PIK3R4: variants seen among roughly 807,000 people sequenced by gnomAD.
The protein encoded by PIK3R4 is phosphoinositide 3-kinase regulatory subunit 4.
A neutral mutation model predicts 136.5 loss-of-function variants in PIK3R4; 46 were observed. The observed-to-expected ratio is 0.34, with a 90% CI of 0.27 to 0.43. The LOEUF is 0.43. Among genes scored for constraint, PIK3R4 ranks in the 20% least tolerant of loss-of-function variants. PIK3R4 has a pLI of 1.00. For synonymous variants in PIK3R4, 557 were observed against 566.7 expected (o/e 0.98, Z 0.24); for missense variants, 1,331 against 1,649.5 (o/e 0.81, Z 3.35).
chr3:130,692,835 T>A (rs1208929987), intron 13 of PIK3R4, among the ~76,000 whole-genome samples: 1 of 152,186 alleles, frequency 6.6e-6, no homozygotes, highest in Non-Finnish European at 1.5e-5. Flanking sequence ...TCTCCCCATC[T>A]CTTTTAATAT....
intron 6 of PIK3R4, among the ~76,000 whole-genome samples, chr3:130,727,224 CT>C (rs776308786): frequency 3.0e-3 from 426 of 144,052 alleles, no homozygotes; most frequent in Middle Eastern, 3.6e-3. Context: ...AACTTAAAGT[CT>C]TTTTTTTTTT....
intron 10 of PIK3R4, among the ~76,000 whole-genome samples, 173 bp downstream of exon 10, chr3:130,708,118 C>T (rs182832751): frequency 2.2e-4 from 34 of 152,226 alleles, no homozygotes; most frequent in African/African-American, 7.5e-4. Context: ...ACTGTTAGTT[C>T]GCTTCCCTAT....
chr3:130,744,436 G>A (rs2066841709), intron 2 of PIK3R4, 50 bp downstream of exon 2: 1 of 1,529,104 alleles, frequency 6.5e-7, no homozygotes, highest in Non-Finnish European at 8.7e-7. Context: ...CTGTTTAACA[G>A]TTAAAAGAAA....
chr3:130,705,802 C>T lies in PIK3R4; in HGVS notation c.2722-31G>A, dbSNP rs776946894. ...AAACAAATAGAATTCTAACTATTTA[C>T]GTCGTAAGCAAAGTATATTTGAAGA... On this transcript the variant is annotated intron_variant, in intron 11 of 19. Coordinates refer to ENST00000356763, the MANE Select transcript of PIK3R4 (RefSeq NM_014602.3). 79 of 1,325,014 alleles carry T rather than the reference C, an allele frequency of 6.0e-5. No individual in the cohort carries two copies. The East Asian group carries it at 8.1e-4, about 14-fold the overall frequency. The allele number at this position is 1,325,014 out of a possible 1,614,324, so 82.1% of individuals were successfully genotyped here.
At chr3:130,684,497 G>GTTAC (rs2066477933) in intron 15 of PIK3R4, 116 bp from the exon 16 acceptor site, 2 of 932,400 alleles carry the variant, frequency 2.1e-6, no homozygotes, top group African/African-American at 1.7e-5. Flanking sequence ...AAATGCCTTC[G>GTTAC]TTACTTAAAA....
At chr3:130,736,071 TCAGA>T (rs1281095283) in intron 2 of PIK3R4, 69 bp from the exon 3 acceptor site, 11 of 1,276,562 alleles carry the variant, frequency 8.6e-6, no homozygotes, top group East Asian at 4.9e-5. Flanking sequence ...GATTGAGAAC[TCAGA>T]CAGTTCATAA....
Position 130,744,687 on chromosome 3 carries a change from C to G in PIK3R4, c.532G>C (p.Asp178His). The change falls in exon 2 of 20, where the codon GAC becomes CAC. Residue 178 changes from aspartate to histidine, a missense_variant. This residue lies in a region of PIK3R4 where 151 missense variants were observed against 242.5 expected (regional missense o/e 0.62). Coordinates refer to ENST00000356763, the MANE Select transcript of PIK3R4 (RefSeq NM_014602.3). Reference sequence around the variant, plus strand: ...AAATAATTGAAATCTGCCGGGTTGTCTTCTGGAAGATAAGTGGGCTTAAAA... The same window carrying G: ...AAATAATTGAAATCTGCCGGGTTGTGTTCTGGAAGATAAGTGGGCTTAAAA... Reference protein sequence around the residue: ...ASFKPTYLPEDNPADFNYFFD... With the variant: ...ASFKPTYLPEHNPADFNYFFD... 1 of 1,614,216 alleles carries G rather than the reference C, an allele frequency of 6.2e-7. No homozygotes were observed. The highest frequency in any genetic ancestry group is 1.1e-5 in the South Asian group (1 of 91,088).
At chr3:130,720,019 C>A (rs2066689935) in intron 7 of PIK3R4, among the ~76,000 whole-genome samples, 1 of 152,114 alleles carries the variant, frequency 6.6e-6, no homozygotes, top group Admixed American at 6.5e-5. Flanking sequence ...GCCACCTATA[C>A]AACCCACAGG....
In PIK3R4 at chr3:130,733,585, G is replaced by A. The variant is rs200049501; in HGVS notation, c.1413C>T (p.Ala471=). 4 of 1,613,538 alleles carry A rather than the reference G, an allele frequency of 2.5e-6. No individual in the cohort carries two copies. Among genetic ancestry groups the A allele is most frequent in the East Asian group, 2.2e-5 (1 of 44,890 alleles). Residue 471 remains alanine, a synonymous_variant, in exon 4 of 20, where the codon GCC becomes GCT. Coordinates refer to ENST00000356763, the MANE Select transcript of PIK3R4 (RefSeq NM_014602.3). ...EYILPGIAHL[A]QDDATIVRLA... ...GTCTAACGATAGTAGCATCATCTTG[G>A]GCTAAGTGGGCTATGCCTGGCAGAA...
chr3:130,703,727 T>G lies in PIK3R4; in HGVS notation c.3094A>C (p.Thr1032Pro). 6.2e-7 allele frequency: 1 copy of G among 1,606,860 alleles called. No homozygotes were observed. The highest frequency in any genetic ancestry group is 8.5e-7 in the Non-Finnish European group (1 of 1,173,650). Residue 1032 changes from threonine (T) to proline (P), a missense_variant, in exon 13 of 20, where the codon ACC becomes CCC. Thr to Pro is a conservative substitution (Grantham distance 38, BLOSUM62 -1). This residue lies in a region of PIK3R4 where 1,180 missense variants were observed against 1,407.0 expected (regional missense o/e 0.84). Coordinates refer to ENST00000356763, the MANE Select transcript of PIK3R4 (RefSeq NM_014602.3). The stretch of plus-strand genomic sequence containing the variant: ...TCATTCCTGAGCATATGGTACCTGG[T>G]AGTGGTGGTCTTCCCCTCCATCTTT... ...SQKMEGKTTT[T>P]RSILTYSRIG...
intron 1 of PIK3R4, among the ~76,000 whole-genome samples, chr3:130,745,630 C>G (rs1200263774): frequency 5.3e-5 from 8 of 152,124 alleles, no homozygotes; most frequent in Non-Finnish European, 1.0e-4. Context: ...CTATGTGTTC[C>G]GTGCTGTGCT....
rs560800272 is a variant in PIK3R4, at chr3:130,740,721, C to T, written c.733+3765G>A. On this transcript the variant is annotated intron_variant, in intron 2 of 19. Coordinates refer to ENST00000356763, the MANE Select transcript of PIK3R4 (RefSeq NM_014602.3). ...CTCCAGCCTGGGTGACAGAGCAAGA[C>T]TCTGTCTCAAAAAATAAAAATAAAT... 4.6e-5 allele frequency among the ~76,000 whole-genome samples: 7 copies of T among 152,134 alleles called. No individual in the cohort carries two copies. In the East Asian group the frequency reaches 1.2e-3, roughly 25 times the overall value.
Position 130,733,792 on chromosome 3 carries a change from A to T in PIK3R4, c.1206T>A (p.Ile402=), listed in dbSNP as rs1156396236. 6.2e-7 allele frequency: 1 copy of T among 1,614,180 alleles called. No homozygotes were observed. The highest frequency in any genetic ancestry group is 1.7e-5 in the Admixed American group (1 of 60,032). Reference sequence around the variant, plus strand: ...CACTTAATCTTGGAGCCAAATGAAGAATCAGTTCCAAAGCAGCTAGTTTGG... The same window carrying T: ...CACTTAATCTTGGAGCCAAATGAAGTATCAGTTCCAAAGCAGCTAGTTTGG... The part of the protein sequence containing the change: ...CDSKLAALEL[I]LHLAPRLSVE... The change falls in exon 4 of 20, where the codon ATT becomes ATA. Residue 402 remains isoleucine (I), a synonymous_variant. Transcript: ENST00000356763.
chr3:130,722,043 G>GA (rs140015441), intron 7 of PIK3R4, among the ~76,000 whole-genome samples: 1,848 of 149,868 alleles, frequency 0.012, 26 homozygotes, highest in African/African-American at 0.041. Flanking sequence ...TAAAGCTGGG[G>GA]AAAAAAAAAT....
At chr3:130,683,566 C>A (rs530850223) in intron 16 of PIK3R4, among the ~76,000 whole-genome samples, 47 of 152,224 alleles carry the variant, frequency 3.1e-4, no homozygotes, top group African/African-American at 1.1e-3. Flanking sequence ...AGCCTTAGAA[C>A]TTGGCAACAC....
intron 8 of PIK3R4, among the ~76,000 whole-genome samples, 192 bp from the exon 9 acceptor site, chr3:130,716,791 T>C (rs953127552): frequency 6.8e-6 from 1 of 147,338 alleles, no homozygotes; most frequent in Non-Finnish European, 1.5e-5. Context: ...TTACTTTTCA[T>C]TGTAGCGCTA....
At position 130,706,997 on chromosome 3, in the gene PIK3R4, C is replaced by T. The variant is rs867928706; in HGVS notation, c.2672G>A (p.Arg891His). The stretch of plus-strand genomic sequence containing the variant: ...ACAAATGCCAGCAGAGGACTCGGAA[C>T]GAGGAGGTTTCCCAGTCTGAATCAC... Reference protein sequence around the residue: ...QEVIQTGKPPRSESSAGICVP... With the variant: ...QEVIQTGKPPHSESSAGICVP... The change falls in exon 11 of 20, where the codon CGT becomes CAT. Residue 891 changes from arginine (R) to histidine (H), a missense_variant. By Grantham distance (29) the Arg-to-His change is conservative. Coordinates refer to ENST00000356763, the MANE Select transcript of PIK3R4 (RefSeq NM_014602.3). 8 of 1,612,712 alleles carry T rather than the reference C, an allele frequency of 5.0e-6. No individual in the cohort carries two copies. The highest frequency in any genetic ancestry group is 3.3e-4 in the Middle Eastern group (2 of 6,046).
At position 130,722,839 on chromosome 3, in the gene PIK3R4, G is replaced by A. The variant is rs2066709117; in HGVS notation, c.1981+575C>T. Among the ~76,000 whole-genome samples, 5 of 150,396 alleles carry A rather than the reference G, an allele frequency of 3.3e-5. No individual in the cohort carries two copies. In the South Asian group the frequency reaches 1.1e-3, roughly 32 times the overall value. On this transcript the variant is annotated intron_variant, in intron 7 of 19. Coordinates refer to ENST00000356763, the MANE Select transcript of PIK3R4 (RefSeq NM_014602.3). ...CGGGAGGCTGGAGCAGGCAGATCAT[G>A]AGGTCAGGAGTTCAAGACCAGCCTG... is the stretch of plus-strand genomic sequence containing the variant.
chr3:130,741,924 C>T (rs565029693), intron 2 of PIK3R4, among the ~76,000 whole-genome samples: 136 of 152,322 alleles, frequency 8.9e-4, no homozygotes, highest in African/African-American at 3.1e-3. Flanking sequence ...TCAACGGTAT[C>T]GATGGGTTCT....
Sources: allele counts gnomAD v4.1 joint callset (sites outside exome capture counted in the v4.1 genomes callset), GRCh38; gene constraint gnomAD v4.1.1; regional missense constraint gnomAD v4.1.1; transcripts MANE v1.5; gene names NCBI Gene and HGNC (gene_info 2026-07-23, HGNC 2026-07-21).